The following ERN1 variants were observed in gnomAD, a reference collection of about 807,000 sequenced individuals.
ERN1 encodes endoplasmic reticulum to nucleus signaling 1.
In ERN1, 39 loss-of-function variants were observed where a neutral mutation model predicts 113.1. That is an observed-to-expected ratio of 0.34 (90% CI 0.27 to 0.45). The LOEUF (loss-of-function observed/expected upper bound fraction) is 0.45. ERN1 is among the 20% of genes least tolerant of loss of function. ERN1 has a pLI of 1.00. For missense variants in ERN1, 976 were observed against 1,274.8 expected (o/e 0.77, Z 3.57); for synonymous variants, 507 against 515.9 (o/e 0.98, Z 0.23).
Position 64,044,806 on chromosome 17 carries a change from G to T in ERN1, c.2721+54C>A. 9.4e-7 allele frequency: 1 copy of T among 1,058,470 alleles called. No homozygotes were observed. The highest frequency in any genetic ancestry group is 1.4e-6 in the Non-Finnish European group (1 of 695,944). 65.6% of individuals were successfully genotyped at this position (1,058,470 alleles called of 1,614,324 possible). On this transcript the variant is annotated intron_variant, in intron 21 of 21. Transcript: ENST00000433197. This position sits in a 1 kb window ranked among gnomAD's most constrained non-coding sequence, Gnocchi z 4.1. ...TATAAAGAATGGATGAAAGGAGGAA[G>T]GTGTCCATGTCATGGCCACTGGGTC... is the stretch of plus-strand genomic sequence containing the variant.
At chr17:64,098,385 TC>T in intron 1 of ERN1, 144 bp from the exon 2 acceptor site, 1 of 1,042,834 alleles carries the variant, frequency 9.6e-7, no homozygotes, top group Non-Finnish European at 1.5e-6. Context: ...GAGCCTAAAT[TC>T]CCACTCAGTC....
chr17:64,059,803 CTCTG>C (rs1477461319), intron 11 of ERN1, among the ~76,000 whole-genome samples: 1 of 151,742 alleles, frequency 6.6e-6, no homozygotes, highest in Non-Finnish European at 1.5e-5. Flanking sequence ...CCAGGCCACT[CTCTG>C]TCTGCTTCAT....
intron 1 of ERN1, among the ~76,000 whole-genome samples, chr17:64,126,372 A>G (rs746702867): frequency 1.3e-5 from 2 of 152,222 alleles, no homozygotes; most frequent in Non-Finnish European, 2.9e-5. Context: ...TGAAACAGTT[A>G]TCCAAGGATT....
intron 1 of ERN1, among the ~76,000 whole-genome samples, chr17:64,112,213 C>G (rs1914690685): frequency 6.6e-6 from 1 of 151,918 alleles, no homozygotes; most frequent in African/African-American, 2.4e-5. Flanking sequence ...ATTAAATACT[C>G]AAAAATTAGC....
At chr17:64,108,620 G>T (rs531052277) in intron 1 of ERN1, among the ~76,000 whole-genome samples, 2 of 152,066 alleles carry the variant, frequency 1.3e-5, no homozygotes, top group Non-Finnish European at 2.9e-5. Flanking sequence ...CTATTTTGTT[G>T]TCTTTGCTAA....
At position 64,043,749 on chromosome 17, in the gene ERN1, A is replaced by G. The variant is rs1021301336; in HGVS notation, c.*239T>C. On this transcript the variant is annotated 3_prime_UTR_variant, in exon 22 of 22. Coordinates refer to ENST00000433197, the MANE Select transcript of ERN1 (RefSeq NM_001433.5). ...GTCTCTGAGGCCCTCCTTTGCAGAC[A>G]TCATGACCGTAAGGCTTTTGGGGCC... 3 of 424,062 alleles carry G rather than the reference A, an allele frequency of 7.1e-6. No homozygotes were observed. The Admixed American group carries it at 1.2e-4, about 18-fold the overall frequency. The allele number at this position is 424,062 out of a possible 1,614,324, so 26.3% of individuals were successfully genotyped here. A position where few individuals can be genotyped will look rare whatever the true frequency, so the allele number is the denominator to read the frequency against.
intron 12 of ERN1, among the ~76,000 whole-genome samples, chr17:64,056,904 T>A (rs1912889847): frequency 6.6e-6 from 1 of 152,102 alleles, no homozygotes; most frequent in Non-Finnish European, 1.5e-5. Context: ...AAAGAGTCTG[T>A]CATTCCCATT....
At chr17:64,078,608 G>A (rs1057284089) in intron 4 of ERN1, among the ~76,000 whole-genome samples, 1 of 152,026 alleles carries the variant, frequency 6.6e-6, no homozygotes, top group Non-Finnish European at 1.5e-5. Flanking sequence ...ACATTTAGAT[G>A]TGTGATCTAT....
rs1338253970 is a variant in ERN1, at chr17:64,045,019, G to C, written c.2654-92C>G. ...ATTCATGGGGTCCTGGGATTAGGGA[G>C]TTGGACTGAAAGGTGAGGTCACTCC... On this transcript the variant is annotated intron_variant, in intron 20 of 21. Transcript: ENST00000433197. 5.2e-6 allele frequency: 5 copies of C among 968,578 alleles called. No individual in the cohort carries two copies. In the Admixed American group the frequency reaches 1.0e-4, roughly 20 times the overall value. 60.0% of individuals were successfully genotyped at this position (968,578 alleles called of 1,614,324 possible).
At chr17:64,076,067 G>A (rs1037262190) in intron 4 of ERN1, among the ~76,000 whole-genome samples, 1 of 152,180 alleles carries the variant, frequency 6.6e-6, no homozygotes, top group Non-Finnish European at 1.5e-5. Flanking sequence ...AGTTAAGATA[G>A]GTGCCAGGAA....
intron 2 of ERN1, among the ~76,000 whole-genome samples, chr17:64,082,432 C>G (rs944691817): frequency 6.6e-6 from 1 of 152,192 alleles, no homozygotes; most frequent in South Asian, 2.1e-4. Context: ...ATTTTAACAC[C>G]GGCCTGAAGG....
rs376307820 is a variant in ERN1, at chr17:64,107,540, T to C, written c.55-9299A>G. 4.3e-4 allele frequency among the ~76,000 whole-genome samples: 65 copies of C among 152,312 alleles called. No homozygotes were observed. The East Asian group carries it at 5.0e-3, about 12-fold the overall frequency. On this transcript the variant is annotated intron_variant, in intron 1 of 21. Coordinates refer to ENST00000433197, the MANE Select transcript of ERN1 (RefSeq NM_001433.5). ...TCCTACTATGTTGCCCAGGCTGGTG[T>C]TGAACTCCTGGGCTCAAGCAATCTT...
At chr17:64,058,568 G>T (rs1192178414) in intron 11 of ERN1, among the ~76,000 whole-genome samples, 1 of 152,130 alleles carries the variant, frequency 6.6e-6, no homozygotes, top group African/African-American at 2.4e-5. Flanking sequence ...GTTTGTTAAA[G>T]AAAATTTAGA....
At chr17:64,115,378 T>A (rs1304730089) in intron 1 of ERN1, among the ~76,000 whole-genome samples, 1 of 152,282 alleles carries the variant, frequency 6.6e-6, no homozygotes, top group Non-Finnish European at 1.5e-5. Flanking sequence ...AAGGGTCCTG[T>A]TACACACAAG....
chr17:64,087,312 C>G lies in ERN1; in HGVS notation c.176-6504G>C, dbSNP rs146463109. On this transcript the variant is annotated intron_variant, in intron 2 of 21. Transcript: ENST00000433197. Reference sequence around the variant, plus strand: ...GTCAAGTTCCCGTGATCAAAACCAACACTTGCAAATCCTCCGCATGGCATC... The same window carrying G: ...GTCAAGTTCCCGTGATCAAAACCAAGACTTGCAAATCCTCCGCATGGCATC... Among the ~76,000 whole-genome samples the G allele has an allele frequency of 2.0e-5, 3 of 152,308 alleles. No individual in the cohort carries two copies. In the East Asian group the frequency reaches 5.8e-4, roughly 29 times the overall value.
intron 1 of ERN1, among the ~76,000 whole-genome samples, chr17:64,121,956 G>A (rs1289728562): frequency 6.6e-6 from 1 of 152,156 alleles, no homozygotes; most frequent in African/African-American, 2.4e-5. Context: ...CTTAACGGAG[G>A]AAAAATAACA....
At chr17:64,092,286 C>T (rs1914113022) in intron 2 of ERN1, among the ~76,000 whole-genome samples, 1 of 152,056 alleles carries the variant, frequency 6.6e-6, no homozygotes, top group Admixed American at 6.5e-5. Flanking sequence ...TCTATTTTCT[C>T]TAGTTTCTAT....
intron 1 of ERN1, among the ~76,000 whole-genome samples, chr17:64,101,091 G>A (rs76462977): frequency 6.6e-6 from 1 of 151,944 alleles, no homozygotes; most frequent in South Asian, 2.1e-4. Context: ...CACCCAATGA[G>A]GAAAAATGCA....
chr17:64,059,318 G>A (rs7216531), intron 11 of ERN1, among the ~76,000 whole-genome samples: 17,339 of 152,210 alleles, frequency 0.11, 1,176 homozygotes, highest in African/African-American at 0.18. Context: ...AACTGAGTTT[G>A]TTGTGCTTTT....
Sources: gnomAD v4.1 joint callset for allele counts (sites outside exome capture counted in the v4.1 genomes callset) on GRCh38, gnomAD v4.1.1 for gene constraint, Gnocchi (gnomAD v3.1) non-coding constraint, MANE v1.5 for transcripts, NCBI Gene and HGNC (gene_info 2026-07-23, HGNC 2026-07-21) for gene names.